The following CPQ variants were observed in gnomAD, a reference collection of about 807,000 sequenced individuals.
CPQ encodes Ser-Met dipeptidase.
CPQ carries 37 observed loss-of-function variants against 45.7 expected under a neutral mutation model. The ratio of observed to expected loss-of-function variants is 0.81; its 90% CI spans 0.62 to 1.07. The LOEUF (loss-of-function observed/expected upper bound fraction) is 1.07. Ranked by LOEUF, CPQ falls within the 50% of genes least tolerant of loss-of-function variation. The probability of loss-of-function intolerance (pLI) is 0.00; values close to 1 mark genes in which losing one functional copy is unlikely to be tolerated. For synonymous variants in CPQ, 186 were observed against 205.8 expected, an observed-to-expected ratio of 0.90 and a Z score of 0.82; for missense variants, 537 against 572.9, an observed-to-expected ratio of 0.94 and a Z score of 0.64.
At chr8:96,813,966 G>A (rs1411799923) in intron 2 of CPQ, among the ~76,000 whole-genome samples, 1 of 150,590 alleles carries the variant, frequency 6.6e-6, no homozygotes, top group East Asian at 2.0e-4. Flanking sequence ...TGCCACTTTA[G>A]ACTAAGGACT....
chr8:96,943,583 G>C (rs1367859371), intron 4 of CPQ, among the ~76,000 whole-genome samples: 1 of 152,138 alleles, frequency 6.6e-6, no homozygotes, highest in African/African-American at 2.4e-5. Flanking sequence ...ATGTTGCACA[G>C]CAAGAAAGTA....
chr8:97,022,502 C>A (rs1809706305), intron 5 of CPQ, among the ~76,000 whole-genome samples: 1 of 152,060 alleles, frequency 6.6e-6, no homozygotes, highest in African/African-American at 2.4e-5. Context: ...GACTAATATC[C>A]AGAATCTACA....
At chr8:97,039,420 T>A (rs1810070013) in intron 6 of CPQ, among the ~76,000 whole-genome samples, 1 of 152,110 alleles carries the variant, frequency 6.6e-6, no homozygotes, top group South Asian at 2.1e-4. Context: ...TTATTTTTTT[T>A]AATATTTCCT....
At chr8:96,932,524 A>G (rs1563532231) in intron 4 of CPQ, among the ~76,000 whole-genome samples, 1 of 152,198 alleles carries the variant, frequency 6.6e-6, no homozygotes, top group Non-Finnish European at 1.5e-5. Context: ...GTTAAATGGT[A>G]TAGTTGCTCT....
chr8:97,039,399 C>G (rs1810068193), intron 6 of CPQ, among the ~76,000 whole-genome samples: 1 of 151,778 alleles, frequency 6.6e-6, no homozygotes, highest in African/African-American at 2.4e-5. Context: ...TTTGCTTACA[C>G]TATTTCTTTT....
At chr8:96,871,522 T>C (rs2130874632) in intron 3 of CPQ, among the ~76,000 whole-genome samples, 1 of 148,712 alleles carries the variant, frequency 6.7e-6, no homozygotes, top group Non-Finnish European at 1.5e-5. Flanking sequence ...CTTCAGGCTT[T>C]GCTTCCAGGT....
At chr8:96,841,684 A>G (rs369956411) in intron 3 of CPQ, among the ~76,000 whole-genome samples, 1 of 152,222 alleles carries the variant, frequency 6.6e-6, no homozygotes, top group South Asian at 2.1e-4. Flanking sequence ...GATGTTTTAT[A>G]TCACTTGGCC....
At chr8:97,063,062 T>C (rs2130523678) in intron 6 of CPQ, among the ~76,000 whole-genome samples, 1 of 152,318 alleles carries the variant, frequency 6.6e-6, no homozygotes, top group South Asian at 2.1e-4. Flanking sequence ...GCCACACTGC[T>C]TTCCACAATG....
chr8:96,773,904 G>T (rs1342155720), intron 1 of CPQ, among the ~76,000 whole-genome samples: 1 of 152,064 alleles, frequency 6.6e-6, no homozygotes, highest in East Asian at 1.9e-4. Context: ...TTAATCCCAG[G>T]CATGAGGACA....
At chr8:97,010,695 G>T (rs1809473438) in intron 5 of CPQ, among the ~76,000 whole-genome samples, 1 of 151,958 alleles carries the variant, frequency 6.6e-6, no homozygotes, top group South Asian at 2.1e-4. Context: ...CCTCCCTCCA[G>T]ATCTATTCCT....
intron 1 of CPQ, among the ~76,000 whole-genome samples, chr8:96,647,884 G>A (rs1815535309): frequency 6.6e-6 from 1 of 151,376 alleles, no homozygotes; most frequent in South Asian, 2.1e-4. Context: ...TGCCATCAGT[G>A]AATGGCACTT....
chr8:96,982,633 G>A (rs534904131), intron 5 of CPQ, among the ~76,000 whole-genome samples: 14 of 152,296 alleles, frequency 9.2e-5, no homozygotes, highest in African/African-American at 3.4e-4. Flanking sequence ...GTGAGCTACT[G>A]TACCTGGCCT....
At chr8:96,874,816 C>G (rs775002941) in intron 3 of CPQ, among the ~76,000 whole-genome samples, 5 of 151,810 alleles carry the variant, frequency 3.3e-5, no homozygotes, top group Admixed American at 6.6e-5. Flanking sequence ...AATATTTCTT[C>G]ATGTGGGCAT....
intron 3 of CPQ, among the ~76,000 whole-genome samples, chr8:96,866,693 T>C (rs2130871043): frequency 6.6e-6 from 1 of 152,230 alleles, no homozygotes; most frequent in East Asian, 1.9e-4. Context: ...AAATTCAGAC[T>C]CTAAATTTAA....
chr8:97,051,128 T>C (rs1193391443), intron 6 of CPQ, among the ~76,000 whole-genome samples: 1 of 152,274 alleles, frequency 6.6e-6, no homozygotes, highest in Middle Eastern at 3.4e-3. Flanking sequence ...TGAATGATCA[T>C]CATAATCACC....
chr8:97,087,400 C>T (rs1330131031), intron 7 of CPQ, among the ~76,000 whole-genome samples: 1 of 148,098 alleles, frequency 6.8e-6, no homozygotes, highest in African/African-American at 2.6e-5. Flanking sequence ...TCCCAGGTGC[C>T]GACTTGGGGG....
chr8:96,655,749 A>C (rs1427453388), intron 1 of CPQ, among the ~76,000 whole-genome samples: 2 of 152,232 alleles, frequency 1.3e-5, no homozygotes, highest in Non-Finnish European at 2.9e-5. Context: ...ATAAGTGCAG[A>C]TGCTCCTTGA....
intron 7 of CPQ, among the ~76,000 whole-genome samples, chr8:97,126,688 T>C (rs561192379): frequency 2.0e-5 from 3 of 152,118 alleles, no homozygotes; most frequent in Non-Finnish European, 2.9e-5. Flanking sequence ...ATAAAATACA[T>C]GTAAAATTTA....
At chr8:96,720,795 A>G (rs986332151) in intron 1 of CPQ, among the ~76,000 whole-genome samples, 1 of 152,216 alleles carries the variant, frequency 6.6e-6, no homozygotes, top group East Asian at 1.9e-4. Flanking sequence ...GCATTGTAAT[A>G]TCTAAGATTC....
Sources: allele counts gnomAD v4.1 joint callset (sites outside exome capture counted in the v4.1 genomes callset), GRCh38; gene constraint gnomAD v4.1.1; transcripts MANE v1.5; gene names NCBI Gene and HGNC (gene_info 2026-07-23, HGNC 2026-07-21).